The following ANO6 variants were observed in gnomAD, a reference collection of about 807,000 sequenced individuals.
ANO6 encodes anoctamin 6, also known as anoctamin-6.
Under a neutral mutation model 117.5 loss-of-function variants are expected in ANO6, and 106 were observed. The ratio of observed to expected loss-of-function variants is 0.90; its 90% CI spans 0.77 to 1.06. The LOEUF is 1.06. Ranked by LOEUF, ANO6 falls within the 50% of genes least tolerant of loss-of-function variation. The probability of loss-of-function intolerance (pLI) is 0.00; values close to 1 mark genes in which losing one functional copy is unlikely to be tolerated. For missense variants in ANO6, 955 were observed against 1,121.1 expected (o/e 0.85, Z 2.12); for synonymous variants, 367 against 385.1 (o/e 0.95, Z 0.55).
chr12:45,396,924 G>T (rs1942630660), intron 12 of ANO6, among the ~76,000 whole-genome samples: 1 of 152,110 alleles, frequency 6.6e-6, no homozygotes, highest in Admixed American at 6.5e-5. Flanking sequence ...CATAGGCATG[G>T]GCAAGGACTT....
chr12:45,259,038 G>T lies in ANO6; in HGVS notation c.70+42647G>T, dbSNP rs564005587. 3.9e-5 allele frequency among the ~76,000 whole-genome samples: 6 copies of T among 152,274 alleles called. No homozygotes were observed. The East Asian group carries it at 1.2e-3, about 29-fold the overall frequency. ...TGGATTAGGGTGATGGGTTCATAAA[G>T]TTTCCATTATTTTCATTTAAGAGGT... On this transcript the variant is annotated intron_variant, in intron 1 of 19. Coordinates refer to ENST00000320560, the MANE Select transcript of ANO6 (RefSeq NM_001025356.3).
chr12:45,359,114 A>G (rs1364768461), intron 8 of ANO6, among the ~76,000 whole-genome samples: 1 of 152,204 alleles, frequency 6.6e-6, no homozygotes, highest in Non-Finnish European at 1.5e-5. Flanking sequence ...TAACAGTTAT[A>G]TAGAGACATT....
intron 1 of ANO6, among the ~76,000 whole-genome samples, chr12:45,228,634 G>T (rs1947526231): frequency 6.6e-6 from 1 of 152,112 alleles, no homozygotes; most frequent in African/African-American, 2.4e-5. Flanking sequence ...CTGTTCTTAG[G>T]ACTGGAGACA....
chr12:45,376,860 G>GA (rs912016932), intron 9 of ANO6, among the ~76,000 whole-genome samples: 13 of 131,818 alleles, frequency 9.9e-5, no homozygotes, highest in East Asian at 6.7e-4. Flanking sequence ...AATAATAAAA[G>GA]AAAAAAAAAG....
At position 45,242,541 on chromosome 12, in the gene ANO6, C is replaced by T. The variant is rs138099977; in HGVS notation, c.70+26150C>T. 5.6e-3 allele frequency among the ~76,000 whole-genome samples: 851 copies of T among 152,338 alleles called. 36 individuals carry two copies. In the East Asian group the frequency reaches 0.088, roughly 16 times the overall value. On this transcript the variant is annotated intron_variant, in intron 1 of 19. Coordinates refer to ENST00000320560, the MANE Select transcript of ANO6 (RefSeq NM_001025356.3). ...CCCTTGTGCTTCCTGGGTGAGGCGACGCCCTGCCCTGCTTTGGCTCACCCT... is the reference window on the plus strand; with the variant it reads ...CCCTTGTGCTTCCTGGGTGAGGCGATGCCCTGCCCTGCTTTGGCTCACCCT...
At chr12:45,229,590 A>G (rs1460732016) in intron 1 of ANO6, among the ~76,000 whole-genome samples, 2 of 150,136 alleles carry the variant, frequency 1.3e-5, no homozygotes, top group African/African-American at 4.9e-5. Context: ...GGGTTTCACC[A>G]TGTTGGCCAG....
At chr12:45,277,725 T>A (rs1187580283) in intron 1 of ANO6, among the ~76,000 whole-genome samples, 2 of 152,238 alleles carry the variant, frequency 1.3e-5, no homozygotes, top group African/African-American at 4.8e-5. Context: ...GGAAATTATC[T>A]GCTCTCAGAA....
Position 45,430,402 on chromosome 12 carries a change from GGAGTCTGCAGGAATTGGCTT to G in ANO6, c.*1092_*1111del. ...TTGGGTGGGGAGTGCCTTTTGTCAA[GGAGTCTGCAGGAATTGGCTT>G]ATTTCTGTATGCCAAAGTGATCAAC... On this transcript the variant is annotated 3_prime_UTR_variant, in exon 20 of 20. Transcript: ENST00000320560. 1 of 985,364 alleles carries G rather than the reference GGAGTCTGCAGGAATTGGCTT, an allele frequency of 1.0e-6. No individual in the cohort carries two copies. Among genetic ancestry groups the G allele is most frequent in the Non-Finnish European group, 1.2e-6 (1 of 829,924 alleles). The allele number at this position is 985,364 out of a possible 1,614,324, so 61.0% of individuals were successfully genotyped here.
chr12:45,390,457 T>C lies in ANO6; in HGVS notation c.1345T>C (p.Cys449Arg), dbSNP rs960749004. The C allele has an allele frequency of 2.5e-6, 4 of 1,614,000 alleles. No individual in the cohort carries two copies. Among genetic ancestry groups the C allele is most frequent in the Non-Finnish European group, 3.4e-6 (4 of 1,179,934 alleles). Residue 449 changes from cysteine to arginine, a missense_variant, in exon 12 of 20, where the codon TGT becomes CGT. By Grantham distance (180) the Cys-to-Arg change is radical. Coordinates refer to ENST00000320560, the MANE Select transcript of ANO6 (RefSeq NM_001025356.3). ...CATTCCCTTTACTGCCTGGGGAAAA[T>C]GTATACGGATAACCCTCTGTGCCAG... is the stretch of plus-strand genomic sequence containing the variant. ...ERIPFTAWGKCIRITLCASAV... is the reference protein window; with the variant it reads ...ERIPFTAWGKRIRITLCASAV...
chr12:45,274,230 A>G (rs144974613), intron 1 of ANO6, among the ~76,000 whole-genome samples: 2,886 of 152,230 alleles, frequency 0.019, 40 homozygotes, highest in Middle Eastern at 0.037. Flanking sequence ...ACTTCCACAT[A>G]CTTATGTCCA....
intron 9 of ANO6, among the ~76,000 whole-genome samples, chr12:45,373,244 A>T (rs1046529107): frequency 9.1e-4 from 138 of 152,282 alleles, no homozygotes; most frequent in African/African-American, 2.9e-3. Flanking sequence ...AGACTTAGAC[A>T]CCCACACATT....
intron 19 of ANO6, among the ~76,000 whole-genome samples, chr12:45,426,016 G>A (rs1247655473): frequency 2.0e-5 from 3 of 152,130 alleles, no homozygotes; most frequent in African/African-American, 4.8e-5. Flanking sequence ...ATGCTGTAAC[G>A]AAACAGCATT....
intron 3 of ANO6, among the ~76,000 whole-genome samples, chr12:45,341,883 T>C (rs542694442): frequency 6.6e-6 from 1 of 152,162 alleles, no homozygotes; most frequent in African/African-American, 2.4e-5. Context: ...AAGTCGAGCA[T>C]GTTAAAAGGC....
chr12:45,428,204 A>AT (rs1565776389), intron 19 of ANO6, among the ~76,000 whole-genome samples: 2 of 152,220 alleles, frequency 1.3e-5, no homozygotes, highest in African/African-American at 4.8e-5. Flanking sequence ...AAACAACCTC[A>AT]ATGCCTGTTC....
At chr12:45,436,959 T>G (rs904895310), downstream of ANO6, among the ~76,000 whole-genome samples, 1 of 152,026 alleles carries the variant, frequency 6.6e-6, no homozygotes, top group Non-Finnish European at 1.5e-5. Flanking sequence ...AGAGTGAAAC[T>G]CTGTCCAAAA....
At chr12:45,295,035 T>A (rs998698837) in intron 1 of ANO6, among the ~76,000 whole-genome samples, 1 of 152,212 alleles carries the variant, frequency 6.6e-6, no homozygotes, top group Non-Finnish European at 1.5e-5. Context: ...TGCATTTTAT[T>A]GATGAGGAAA....
chr12:45,366,197 A>G (rs559859752), intron 8 of ANO6, among the ~76,000 whole-genome samples: 10 of 151,990 alleles, frequency 6.6e-5, no homozygotes, highest in Admixed American at 5.2e-4. Context: ...TATGTCTGCA[A>G]AACTTTTACC....
At chr12:45,284,725 C>CT (rs1428487475) in intron 1 of ANO6, among the ~76,000 whole-genome samples, 2 of 152,154 alleles carry the variant, frequency 1.3e-5, no homozygotes, top group African/African-American at 4.8e-5. Flanking sequence ...TATCTAAGAC[C>CT]TACTGTAATG....
At chr12:45,433,266 C>G (rs1040677656), downstream of ANO6, among the ~76,000 whole-genome samples, 3 of 152,194 alleles carry the variant, frequency 2.0e-5, no homozygotes, top group Non-Finnish European at 2.9e-5. Flanking sequence ...TGTCAAAACA[C>G]CAGTGAGAGT....
Sources: gnomAD v4.1 joint callset for allele counts (sites outside exome capture counted in the v4.1 genomes callset) on GRCh38, gnomAD v4.1.1 for gene constraint, MANE v1.5 for transcripts, NCBI Gene and HGNC (gene_info 2026-07-23, HGNC 2026-07-21) for gene names.